DAPK1: variants seen among roughly 807,000 people sequenced by gnomAD.
DAPK1 encodes death-associated protein kinase 1.
DAPK1 carries 56 observed loss-of-function variants against 144.9 expected under a neutral mutation model. The ratio of observed to expected loss-of-function variants is 0.39; its 90% CI spans 0.31 to 0.48. The LOEUF is 0.48. Ranked by LOEUF, DAPK1 falls within the 20% of genes least tolerant of loss-of-function variation. The pLI is 0.95. For synonymous variants in DAPK1, 690 were observed against 749.0 expected, an observed-to-expected ratio of 0.92 and a Z score of 1.29; for missense variants, 1,454 against 1,875.4, an observed-to-expected ratio of 0.78 and a Z score of 4.15.
intron 2 of DAPK1, among the ~76,000 whole-genome samples, chr9:87,546,611 T>A (rs1312035615): frequency 6.6e-6 from 1 of 152,178 alleles, no homozygotes; most frequent in Non-Finnish European, 1.5e-5. Context: ...GCATCAAACA[T>A]GCAGAAAACA....
chr9:87,707,772 G>A lies in DAPK1; in HGVS notation c.*408G>A, dbSNP rs760823097. 2 of 451,582 alleles carry A rather than the reference G, an allele frequency of 4.4e-6. No homozygotes were observed. Among genetic ancestry groups the A allele is most frequent in the African/African-American group, 2.0e-5 (1 of 49,626 alleles). The allele number at this position is 451,582 out of a possible 1,614,324, so 28.0% of individuals were successfully genotyped here. A position where few individuals can be genotyped will look rare whatever the true frequency, so the allele number is the denominator to read the frequency against. ...AGAAAAGTGCATATTTATCCAAAAT[G>A]TGTATTTCTTATACGCTTTTCTTTG... On this transcript the variant is annotated 3_prime_UTR_variant, in exon 26 of 26. Coordinates refer to ENST00000408954, the MANE Select transcript of DAPK1 (RefSeq NM_004938.4). This position sits in a 1 kb window ranked among gnomAD's most constrained non-coding sequence, Gnocchi z 4.0.
intron 2 of DAPK1, among the ~76,000 whole-genome samples, chr9:87,535,780 T>G (rs2118407798): frequency 6.6e-6 from 1 of 152,330 alleles, no homozygotes; most frequent in African/African-American, 2.4e-5. Context: ...AGTAATATCC[T>G]TCCCCCAAGA....
chr9:87,569,682 C>T (rs1040858901), intron 2 of DAPK1, among the ~76,000 whole-genome samples: 8 of 151,992 alleles, frequency 5.3e-5, no homozygotes, highest in Admixed American at 2.6e-4. Flanking sequence ...CGGGTGCATC[C>T]GGGTGTGTAG....
chr9:87,607,503 A>T (rs934824636), intron 3 of DAPK1, among the ~76,000 whole-genome samples: 16 of 152,216 alleles, frequency 1.1e-4, no homozygotes, highest in Admixed American at 1.3e-4. Flanking sequence ...TGCATTCAAC[A>T]TCTGTTGTCT....
At chr9:87,670,410 G>A (rs1831214357) in intron 19 of DAPK1, among the ~76,000 whole-genome samples, 1 of 152,140 alleles carries the variant, frequency 6.6e-6, no homozygotes. Flanking sequence ...GGCTAAAAGA[G>A]CACAATTTCT....
chr9:87,509,067 G>A (rs1172728735), intron 2 of DAPK1, among the ~76,000 whole-genome samples: 1 of 152,186 alleles, frequency 6.6e-6, no homozygotes, highest in East Asian at 1.9e-4. Flanking sequence ...GTGTCTCTGG[G>A]AAAGTGATGA....
chr9:87,611,506 T>A (rs569781218), intron 3 of DAPK1, among the ~76,000 whole-genome samples: 1 of 152,230 alleles, frequency 6.6e-6, no homozygotes, highest in East Asian at 1.9e-4. Context: ...TCACCCAGGC[T>A]GGAATGCAGT....
chr9:87,605,927 C>T (rs1003541558), intron 3 of DAPK1, among the ~76,000 whole-genome samples: 3 of 152,174 alleles, frequency 2.0e-5, no homozygotes, highest in African/African-American at 7.2e-5. Flanking sequence ...CGCACATCTG[C>T]TCTGTCTCCG....
chr9:87,540,481 G>T (rs143392418), intron 2 of DAPK1, among the ~76,000 whole-genome samples: 14 of 152,206 alleles, frequency 9.2e-5, no homozygotes, highest in Middle Eastern at 3.4e-3. Context: ...ATGAGCCGCC[G>T]TGCCTGGCCT....
intron 9 of DAPK1, among the ~76,000 whole-genome samples, chr9:87,641,270 T>C (rs776661328): frequency 2.0e-5 from 3 of 152,236 alleles, no homozygotes; most frequent in African/African-American, 2.4e-5. Context: ...GGTGCCTTGG[T>C]GCTAGGGAAC....
chr9:87,501,449 G>A (rs928029693), intron 2 of DAPK1, among the ~76,000 whole-genome samples: 1 of 152,198 alleles, frequency 6.6e-6, no homozygotes, highest in African/African-American at 2.4e-5. Flanking sequence ...GGAGGCTGAG[G>A]CATGAGAATC....
rs899767756 is a variant in DAPK1, at chr9:87,708,623, C to G, written c.*1259C>G. On this transcript the variant is annotated 3_prime_UTR_variant, in exon 26 of 26. Transcript: ENST00000408954. Reference sequence around the variant, plus strand: ...TTCTTTTTTTATAAATAAACTGTTGCTCGTTGCATTAGTTTTTTTGATCTT... The same window carrying G: ...TTCTTTTTTTATAAATAAACTGTTGGTCGTTGCATTAGTTTTTTTGATCTT... The G allele has an allele frequency of 2.0e-5, 3 of 152,012 alleles. No individual in the cohort carries two copies. Among genetic ancestry groups the G allele is most frequent in the Non-Finnish European group, 4.4e-5 (3 of 67,960 alleles). The allele number at this position is 152,012 out of a possible 1,614,324, so 9.4% of individuals were successfully genotyped here. A position where few individuals can be genotyped will look rare whatever the true frequency, so the allele number is the denominator to read the frequency against.
At chr9:87,660,131 C>G (rs149351331) in intron 18 of DAPK1, among the ~76,000 whole-genome samples, 1 of 152,152 alleles carries the variant, frequency 6.6e-6, no homozygotes, top group Non-Finnish European at 1.5e-5. Flanking sequence ...GACCGGAGCT[C>G]AGCGGCCTCC....
rs117308214 is a variant in DAPK1, at chr9:87,602,559, G to C, written c.63-2395G>C. Among the ~76,000 whole-genome samples, 415 of 152,264 alleles carry C rather than the reference G, an allele frequency of 2.7e-3. 1 individual carries two copies. The highest frequency in any genetic ancestry group is 4.6e-3 in the Non-Finnish European group (315 of 68,018). ...ACATTTGGAGGTGAAAACGCACGTG[G>C]AACAGTTTTTGTATCTAGGCTTGCA... On this transcript the variant is annotated intron_variant, in intron 2 of 25. Coordinates refer to ENST00000408954, the MANE Select transcript of DAPK1 (RefSeq NM_004938.4).
Position 87,632,387 on chromosome 9 carries a change from TGAAG to T in DAPK1, c.285-5551_285-5548del, listed in dbSNP as rs934843589. 9.7e-5 allele frequency: 95 copies of T among 982,992 alleles called. No homozygotes were observed. In the Admixed American group the frequency reaches 1.6e-3, roughly 17 times the overall value. 60.9% of individuals were successfully genotyped at this position (982,992 alleles called of 1,614,324 possible). A position where few individuals can be genotyped will look rare whatever the true frequency, so the allele number is the denominator to read the frequency against. On this transcript the variant is annotated intron_variant, in intron 3 of 25. Transcript: ENST00000408954. ...AGGAGGATGAGTGCATATGTAGAAA[TGAAG>T]GAAGATGGGTATACATGTAGGGATG...
intron 2 of DAPK1, chr9:87,525,383 C>G: frequency 1.2e-6 from 2 of 1,611,258 alleles, no homozygotes; most frequent in Non-Finnish European, 1.7e-6. Context: ...TTCAAACAAC[C>G]GGCACGGTCT....
intron 2 of DAPK1, among the ~76,000 whole-genome samples, chr9:87,587,014 C>G (rs1827960281): frequency 6.6e-6 from 1 of 152,212 alleles, no homozygotes; most frequent in Non-Finnish European, 1.5e-5. Context: ...GAACACTGTT[C>G]TGTGTTTTAA....
chr9:87,631,234 A>T (rs1409507175), intron 3 of DAPK1, among the ~76,000 whole-genome samples: 1 of 152,186 alleles, frequency 6.6e-6, no homozygotes, highest in East Asian at 1.9e-4. Flanking sequence ...TGATAACCAA[A>T]GCGGATCCTA....
chr9:87,662,574 T>TTTTTTTTTTTTG, intron 18 of DAPK1, among the ~76,000 whole-genome samples: 1 of 131,466 alleles, frequency 7.6e-6, no homozygotes, highest in Non-Finnish European at 1.6e-5. Context: ...TTTTTTTTTT[T>TTTTTTTTTTTTG]TTTTTTTTTT....
Sources: gnomAD v4.1 joint callset for allele counts (sites outside exome capture counted in the v4.1 genomes callset) on GRCh38, gnomAD v4.1.1 for gene constraint, Gnocchi (gnomAD v3.1) non-coding constraint, MANE v1.5 for transcripts, NCBI Gene and HGNC (gene_info 2026-07-23, HGNC 2026-07-21) for gene names.